ZNF181: variants seen among roughly 807,000 people sequenced by gnomAD.
ZNF181 encodes zinc finger protein 181 (HHZ181).
In ZNF181, 8 loss-of-function variants were observed where a neutral mutation model predicts 11.9. The observed-to-expected ratio is 0.67, with a 90% CI of 0.39 to 1.21. ZNF181 has a LOEUF of 1.21. ZNF181 is among the 50% of genes most tolerant of loss of function. ZNF181 has a pLI of 0.01. For synonymous variants in ZNF181, 202 were observed against 221.1 expected, an observed-to-expected ratio of 0.91 and a Z score of 0.77; for missense variants, 542 against 670.9, an observed-to-expected ratio of 0.81 and a Z score of 2.12.
chr19:34,745,280 G>A lies in ZNF181; in HGVS notation c.*3183G>A, dbSNP rs1237092864. On this transcript the variant is annotated 3_prime_UTR_variant, in exon 4 of 4. Coordinates refer to ENST00000492450, the MANE Select transcript of ZNF181 (RefSeq NM_001029997.4). ...TGTTACCTGGGTTTAAATCCAAGTTGCATGAATACTGGCTTTGTGTGACCT... is the reference window on the plus strand; with the variant it reads ...TGTTACCTGGGTTTAAATCCAAGTTACATGAATACTGGCTTTGTGTGACCT... 6.6e-6 allele frequency: 1 copy of A among 152,180 alleles called. No homozygotes were observed. Among genetic ancestry groups the A allele is most frequent in the Admixed American group, 6.5e-5 (1 of 15,282 alleles). 9.4% of individuals were successfully genotyped at this position (152,180 alleles called of 1,614,324 possible). A position where few individuals can be genotyped will look rare whatever the true frequency, so the allele number is the denominator to read the frequency against.
chr19:34,739,230 A>G lies in ZNF181; in HGVS notation c.92A>G (p.Asp31Gly). The change falls in exon 2 of 4, where the codon GAT becomes GGT. Residue 31 changes from aspartate to glycine, a missense_variant. Coordinates refer to ENST00000492450, the MANE Select transcript of ZNF181 (RefSeq NM_001029997.4). ...TCTGCTCAGAGGGACTTATACAAGG[A>G]TGTGATGGTCCAGAATTATGAGAAC... ...LSSAQRDLYK[D>G]VMVQNYENLV... 6.2e-7 allele frequency: 1 copy of G among 1,613,848 alleles called. No individual in the cohort carries two copies. Among genetic ancestry groups the G allele is most frequent in the Non-Finnish European group, 8.5e-7 (1 of 1,179,734 alleles).
rs756731108 is a variant in ZNF181, at chr19:34,740,603, T to C, written c.230-8T>C. 1.9e-6 allele frequency: 3 copies of C among 1,540,928 alleles called. No individual in the cohort carries two copies. Among genetic ancestry groups the C allele is most frequent in the Non-Finnish European group, 1.7e-6 (2 of 1,148,356 alleles). ...AAAACAGTGCTTTGCTTTTTTGATG[T>C]ATTTCAGATTGGGAATCAAGATGGG... is the stretch of plus-strand genomic sequence containing the variant. On this transcript the variant is annotated splice_polypyrimidine_tract_variant and splice_region_variant and intron_variant, in intron 3 of 3. Transcript: ENST00000492450.
chr19:34,738,543 TG>T (rs1278442374), intron 1 of ZNF181, among the ~76,000 whole-genome samples: 115 of 151,772 alleles, frequency 7.6e-4, no homozygotes, highest in African/African-American at 2.7e-3. Context: ...GTTTTTTTTT[TG>T]TTTTTGTTTT....
Position 34,735,043 on chromosome 19 carries a change from TC to T in ZNF181, c.7del (p.Gln3ArgfsTer2). 6.3e-7 allele frequency: 1 copy of T among 1,575,892 alleles called. No individual in the cohort carries two copies. The highest frequency in any genetic ancestry group is 2.3e-5 in the East Asian group (1 of 43,044). ...CTGTTGGAAATTGCAGAGTAATGCC[TC>T]AGGTAGGTCGGTGTGTCCGCAAATC... Reference protein sequence around the residue: MPQVTFNDVAIDF... With the variant: MPXVTFNDVAIDF... On this transcript the variant is annotated frameshift_variant and splice_region_variant, in exon 1 of 4. Coordinates refer to ENST00000492450, the MANE Select transcript of ZNF181 (RefSeq NM_001029997.4). LOFTEE classifies it high-confidence loss of function.
intron 1 of ZNF181, chr19:34,736,056 T>G (rs1353182446): frequency 4.3e-6 from 3 of 694,938 alleles, no homozygotes; most frequent in Non-Finnish European, 7.9e-6. Context: ...TCTTTTTTCT[T>G]TTTTGTTGTC....
rs139742296 is a variant in ZNF181, at chr19:34,741,073, G to C, written c.692G>C (p.Cys231Ser). The C allele has an allele frequency of 1.2e-6, 2 of 1,614,138 alleles. No homozygotes were observed. Among genetic ancestry groups the C allele is most frequent in the Non-Finnish European group, 1.7e-6 (2 of 1,179,968 alleles). The change falls in exon 4 of 4, where the codon TGT becomes TCT. Residue 231 changes from cysteine to serine, a missense_variant. Transcript: ENST00000492450. The stretch of plus-strand genomic sequence containing the variant: ...AAATCTCTTACCCTTCCCCAGACTT[G>C]TAATAGAGAGAAAATCTATACATGC... ...QGKSLTLPQT[C>S]NREKIYTCSE...
chr19:34,741,620 C>T lies in ZNF181; in HGVS notation c.1239C>T (p.Val413=), dbSNP rs752197598. 3.3e-5 allele frequency: 53 copies of T among 1,613,854 alleles called. No homozygotes were observed. Among genetic ancestry groups the T allele is most frequent in the Admixed American group, 6.7e-5 (4 of 59,946 alleles). Reference sequence around the variant, plus strand: ...ATGAATGCAACAAATGTCTGAAAGTCTTTAGTAGCCTCTCATTTCTTGTTC... The same window carrying T: ...ATGAATGCAACAAATGTCTGAAAGTTTTTAGTAGCCTCTCATTTCTTGTTC... The part of the protein sequence containing the change: ...KQYECNKCLK[V]FSSLSFLVQH... The change falls in exon 4 of 4, where the codon GTC becomes GTT. Residue 413 remains valine, a synonymous_variant. Coordinates refer to ENST00000492450, the MANE Select transcript of ZNF181 (RefSeq NM_001029997.4).
rs747405246 is a variant in ZNF181, at chr19:34,741,187, A to C, written c.806A>C (p.Glu269Ala). Residue 269 changes from glutamate to alanine, a missense_variant, in exon 4 of 4, where the codon GAA becomes GCA. Glu to Ala is a moderately radical substitution (Grantham distance 107). Transcript: ENST00000492450. Reference sequence around the variant, plus strand: ...GGAGAGAAGCCCTATGAATGTCGTGAATGTGGGAAGACTTTTAGCCATGGC... The same window carrying C: ...GGAGAGAAGCCCTATGAATGTCGTGCATGTGGGAAGACTTTTAGCCATGGC... ...HTGEKPYECR[E>A]CGKTFSHGSS... 1 of 1,614,084 alleles carries C rather than the reference A, an allele frequency of 6.2e-7. No homozygotes were observed. The highest frequency in any genetic ancestry group is 8.5e-7 in the Non-Finnish European group (1 of 1,179,952).
At position 34,741,424 on chromosome 19, in the gene ZNF181, T is replaced by G. The variant is rs755743211; in HGVS notation, c.1043T>G (p.Leu348Arg). ...CTAAGAATTCATACTCAAGAAAAACTCTATGAGTGTCGTATATGTGGAAAG... is the reference window on the plus strand; with the variant it reads ...CTAAGAATTCATACTCAAGAAAAACGCTATGAGTGTCGTATATGTGGAAAG... ...EHLRIHTQEK[L>R]YECRICGKAF... is the part of the protein sequence containing the mutation. Residue 348 changes from leucine to arginine, a missense_variant, in exon 4 of 4, where the codon CTC becomes CGC. Coordinates refer to ENST00000492450, the MANE Select transcript of ZNF181 (RefSeq NM_001029997.4). 13 of 1,613,746 alleles carry G rather than the reference T, an allele frequency of 8.1e-6. No homozygotes were observed. Among genetic ancestry groups the G allele is most frequent in the Admixed American group, 3.3e-5 (2 of 59,946 alleles).
At chr19:34,736,538 C>G (rs906026867) in intron 1 of ZNF181, among the ~76,000 whole-genome samples, 8 of 152,276 alleles carry the variant, frequency 5.3e-5, no homozygotes, top group African/African-American at 1.9e-4. Context: ...CACAGGACTT[C>G]ATGATCTAGT....
chr19:34,735,081 CTT>C, intron 1 of ZNF181, 35 bp downstream of exon 1: 3 of 1,562,250 alleles, frequency 1.9e-6, no homozygotes, highest in Non-Finnish European at 2.6e-6. Context: ...TCCTGAAACA[CTT>C]TATCAGGACT....
At chr19:34,736,374 T>C (rs1250504312) in intron 1 of ZNF181, among the ~76,000 whole-genome samples, 2 of 152,196 alleles carry the variant, frequency 1.3e-5, no homozygotes, top group African/African-American at 4.8e-5. Context: ...CAGTGAGCTA[T>C]GATTATGTCA....
chr19:34,740,235 T>C (rs1025086870), intron 3 of ZNF181, among the ~76,000 whole-genome samples: 3 of 152,232 alleles, frequency 2.0e-5, no homozygotes, highest in African/African-American at 4.8e-5. Flanking sequence ...TTGAGATTAA[T>C]TGAATGTTGG....
intron 1 of ZNF181, chr19:34,736,161 G>A (rs752178272): frequency 7.0e-5 from 49 of 703,026 alleles, no homozygotes; most frequent in South Asian, 7.0e-4. Context: ...ACGAACTGGT[G>A]GGGCAGAATC....
intron 3 of ZNF181, among the ~76,000 whole-genome samples, chr19:34,740,125 A>G (rs2068946840): frequency 6.6e-6 from 1 of 152,234 alleles, no homozygotes. Flanking sequence ...GAAAGCCTAA[A>G]TCTTTGTCAG....
At position 34,739,191 on chromosome 19, in the gene ZNF181, G is replaced by C. The variant is rs762933879; in HGVS notation, c.53G>C (p.Trp18Ser). 2 of 1,613,788 alleles carry C rather than the reference G, an allele frequency of 1.2e-6. No individual in the cohort carries two copies. Among genetic ancestry groups the C allele is most frequent in the Non-Finnish European group, 1.7e-6 (2 of 1,179,728 alleles). Residue 18 changes from tryptophan (W) to serine (S), a missense_variant, in exon 2 of 4, where the codon TGG (tryptophan) becomes TCG (serine). Transcript: ENST00000492450. ...GCTATAGACTTCACTCATGAAGAGT[G>C]GGGATGGCTCAGTTCTGCTCAGAGG... Reference protein sequence around the residue: ...DVAIDFTHEEWGWLSSAQRDL... With the variant: ...DVAIDFTHEESGWLSSAQRDL...
At position 34,741,898 on chromosome 19, in the gene ZNF181, T is replaced by C; in HGVS notation, c.1517T>C (p.Val506Ala). The C allele has an allele frequency of 6.2e-7, 1 of 1,613,786 alleles. No individual in the cohort carries two copies. Among genetic ancestry groups the C allele is most frequent in the Non-Finnish European group, 8.5e-7 (1 of 1,179,858 alleles). The change falls in exon 4 of 4, where the codon GTA (valine) becomes GCA (alanine). Residue 506 changes from valine to alanine, a missense_variant. By Grantham distance (64) the Val-to-Ala change is moderately conservative. Coordinates refer to ENST00000492450, the MANE Select transcript of ZNF181 (RefSeq NM_001029997.4). ...KTFSCSSNLT[V>A]HQRIHTGEKP... ...TTCAGCTGTAGTTCAAACCTTACCGTACATCAGAGAATTCACACTGGAGAA... is the reference window on the plus strand; with the variant it reads ...TTCAGCTGTAGTTCAAACCTTACCGCACATCAGAGAATTCACACTGGAGAA...
rs1211078996 is a variant in ZNF181, at chr19:34,742,398, C to T, written c.*301C>T. On this transcript the variant is annotated 3_prime_UTR_variant, in exon 4 of 4. Transcript: ENST00000492450. ...AATAGGAATCTTTTACAAACTCCTA[C>T]AGGAGAGAAGCTGTATGAATGTAGA... is the stretch of plus-strand genomic sequence containing the variant. 1.6e-5 allele frequency: 3 copies of T among 188,716 alleles called. No homozygotes were observed. The highest frequency in any genetic ancestry group is 3.3e-5 in the Non-Finnish European group (3 of 91,524). The allele number at this position is 188,716 out of a possible 1,614,324, so 11.7% of individuals were successfully genotyped here.
chr19:34,736,923 C>A (rs563248518), intron 1 of ZNF181, among the ~76,000 whole-genome samples: 1 of 152,246 alleles, frequency 6.6e-6, no homozygotes, highest in Admixed American at 6.5e-5. Context: ...CTTGTAATAA[C>A]CTGTTCATCA....
Sources: allele counts gnomAD v4.1 joint callset (sites outside exome capture counted in the v4.1 genomes callset), GRCh38; gene constraint gnomAD v4.1.1; transcripts MANE v1.5; gene names NCBI Gene and HGNC (gene_info 2026-07-23, HGNC 2026-07-21).